The following EXT1 variants were observed in gnomAD, a reference collection of about 807,000 sequenced individuals.
The protein encoded by EXT1 is exostosin-1.
Under a neutral mutation model 82.5 loss-of-function variants are expected in EXT1, and 20 were observed. The ratio of observed to expected loss-of-function variants is 0.24; its 90% confidence interval spans 0.17 to 0.35. The LOEUF (loss-of-function observed/expected upper bound fraction) is 0.35, where lower values mean the gene tolerates loss of function less well. Among genes scored for constraint, EXT1 ranks in the 10% least tolerant of loss-of-function variants. The probability of loss-of-function intolerance (pLI) is 1.00; values close to 1 mark genes in which losing one functional copy is unlikely to be tolerated. For synonymous variants in EXT1, 348 were observed against 350.8 expected (o/e 0.99, Z 0.09); for missense variants, 757 against 936.5 (o/e 0.81, Z 2.50).
intron 2 of EXT1, 33 bp from the exon 3 acceptor site, chr8:117,835,584 G>A (rs954604530): frequency 6.7e-7 from 1 of 1,485,240 alleles, no homozygotes; most frequent in Non-Finnish European, 9.4e-7. Context: ...TGAATGTGAG[G>A]AAAGCGACAG....
intron 1 of EXT1, among the ~76,000 whole-genome samples, chr8:117,906,395 A>C (rs553280679): frequency 6.6e-6 from 1 of 152,296 alleles, no homozygotes; most frequent in East Asian, 1.9e-4. Flanking sequence ...TGACAGACTA[A>C]AGTAATAGAT....
chr8:118,102,857 T>C (rs574861070), intron 1 of EXT1, among the ~76,000 whole-genome samples: 1 of 152,324 alleles, frequency 6.6e-6, no homozygotes, highest in African/African-American at 2.4e-5. Context: ...TCTTTCTTTC[T>C]TTGAAAGACA....
intron 1 of EXT1, among the ~76,000 whole-genome samples, chr8:117,972,548 ACACT>A (rs1463763193): frequency 2.0e-5 from 3 of 152,334 alleles, no homozygotes; most frequent in East Asian, 3.9e-4. Flanking sequence ...AAAAATGCAA[ACACT>A]CACGCACACA....
chr8:117,927,416 G>GAAA (rs557704697), intron 1 of EXT1, among the ~76,000 whole-genome samples: 529 of 18,098 alleles, frequency 0.029, 4 homozygotes, highest in African/African-American at 0.063. Context: ...TCCTCTGGGG[G>GAAA]AAAAAAAAAA....
intron 1 of EXT1, among the ~76,000 whole-genome samples, chr8:118,054,266 G>C (rs1031820398): frequency 2.6e-5 from 4 of 152,170 alleles, no homozygotes; most frequent in African/African-American, 9.7e-5. Flanking sequence ...CTAGTAAGTA[G>C]GATTTCTTGC....
At chr8:117,886,049 TCA>T (rs1478102967) in intron 1 of EXT1, among the ~76,000 whole-genome samples, 2 of 152,154 alleles carry the variant, frequency 1.3e-5, no homozygotes, top group African/African-American at 2.4e-5. Flanking sequence ...TCCCTGAATC[TCA>T]GTTTTAAAAT....
chr8:117,983,697 T>C (rs997604525), intron 1 of EXT1, among the ~76,000 whole-genome samples: 4 of 152,160 alleles, frequency 2.6e-5, no homozygotes, highest in African/African-American at 9.7e-5. Context: ...ATAGAATCTT[T>C]TAGGGGAATC....
intron 1 of EXT1, among the ~76,000 whole-genome samples, chr8:118,066,833 C>A (rs891795752): frequency 1.3e-5 from 2 of 152,102 alleles, no homozygotes; most frequent in African/African-American, 4.8e-5. Context: ...AGGGTCAGCA[C>A]CCCCTAATCT....
chr8:118,039,421 C>CTAA (rs1816485732), intron 1 of EXT1, among the ~76,000 whole-genome samples: 1 of 151,396 alleles, frequency 6.6e-6, no homozygotes, highest in African/African-American at 2.4e-5. Context: ...TTGGCTGGGC[C>CTAA]TAAGGGTGCA....
intron 1 of EXT1, among the ~76,000 whole-genome samples, chr8:118,057,928 C>T (rs952122038): frequency 2.7e-5 from 4 of 148,482 alleles, no homozygotes; most frequent in Admixed American, 2.0e-4. Context: ...GCCAAGATTG[C>T]GCCACTGCAC....
intron 1 of EXT1, among the ~76,000 whole-genome samples, chr8:117,856,509 G>T (rs10095983): frequency 1.4e-5 from 2 of 139,634 alleles, no homozygotes; most frequent in Non-Finnish European, 3.0e-5. Flanking sequence ...CTCATGATCC[G>T]CCCACCTCGG....
chr8:118,110,313 C>T lies in EXT1; in HGVS notation c.734G>A (p.Gly245Glu). Reference protein sequence around the residue: ...PLFSKDHPRTGGERGFLKFNT... With the variant: ...PLFSKDHPRTEGERGFLKFNT... ...GAACTTCAAAAACCCCCTCTCCCCT[C>T]CTGTCCTGGGATGATCCTTAGAAAA... Residue 245 changes from glycine to glutamate, a missense_variant, in exon 1 of 11, where the codon GGA (glycine) becomes GAA (glutamate). Gly to Glu is a moderately conservative substitution (Grantham distance 98, BLOSUM62 -2). This residue lies in a region of EXT1 where 247 missense variants were observed against 330.1 expected (regional missense o/e 0.75). Coordinates refer to ENST00000378204, the MANE Select transcript of EXT1 (RefSeq NM_000127.3). 3 of 1,614,200 alleles carry T rather than the reference C, an allele frequency of 1.9e-6. No homozygotes were observed. The highest frequency in any genetic ancestry group is 2.7e-5 in the African/African-American group (2 of 75,048).
intron 1 of EXT1, among the ~76,000 whole-genome samples, chr8:117,858,785 G>GCCAGGC (rs1322675783): frequency 1.8e-5 from 2 of 114,250 alleles, no homozygotes; most frequent in East Asian, 2.6e-4. Flanking sequence ...AGGCAGGCAG[G>GCCAGGC]CAGGCAAGGC....
chr8:117,918,132 CAA>C (rs1813789342), intron 1 of EXT1, among the ~76,000 whole-genome samples: 1 of 152,152 alleles, frequency 6.6e-6, no homozygotes, highest in Admixed American at 6.5e-5. Context: ...GATGCTGTAA[CAA>C]AAGAGACGTC....
At chr8:117,908,400 C>G (rs1020435284) in intron 1 of EXT1, among the ~76,000 whole-genome samples, 3 of 152,062 alleles carry the variant, frequency 2.0e-5, no homozygotes, top group Admixed American at 6.6e-5. Context: ...GAGGCTGAGG[C>G]AGGAAGATCA....
intron 2 of EXT1, among the ~76,000 whole-genome samples, 168 bp from the exon 3 acceptor site, chr8:117,835,719 C>T (rs1171562654): frequency 1.3e-5 from 2 of 152,158 alleles, no homozygotes; most frequent in South Asian, 2.1e-4. Flanking sequence ...TCAAGTCACA[C>T]GAAGGTTGTA....
At chr8:118,013,236 G>C (rs985828065) in intron 1 of EXT1, among the ~76,000 whole-genome samples, 3 of 151,922 alleles carry the variant, frequency 2.0e-5, no homozygotes, top group Non-Finnish European at 4.4e-5. Flanking sequence ...TTGAGACAGA[G>C]TCTCACTCTG....
At chr8:117,964,919 T>C (rs538823915) in intron 1 of EXT1, among the ~76,000 whole-genome samples, 1 of 152,320 alleles carries the variant, frequency 6.6e-6, no homozygotes, top group Admixed American at 6.5e-5. Flanking sequence ...ATTACAGGCA[T>C]GAGCCACCAC....
chr8:117,822,577 G>C lies in EXT1; in HGVS notation c.1305C>G (p.Phe435Leu). The change falls in exon 5 of 11, where the codon TTC (phenylalanine) becomes TTG (leucine). Residue 435 changes from phenylalanine (F) to leucine (L), a missense_variant. By Grantham distance (22) the Phe-to-Leu change is conservative. Around this residue, in one of 4 missense-constraint regions of EXT1, gnomAD observed 207 missense variants for 224.2 expected, o/e 0.92. Coordinates refer to ENST00000378204, the MANE Select transcript of EXT1 (RefSeq NM_000127.3). ...TTLEIIQDRI[F>L]KHISRNSLIW... ...TTAAACTGTTACGTGATATGTGCTT[G>C]AATATTCTGTCCTGAATAATCTAGA... 6.2e-7 allele frequency: 1 copy of C among 1,613,120 alleles called. No homozygotes were observed. The highest frequency in any genetic ancestry group is 8.5e-7 in the Non-Finnish European group (1 of 1,179,654).
Sources: gnomAD v4.1 joint callset for allele counts (sites outside exome capture counted in the v4.1 genomes callset) on GRCh38, gnomAD v4.1.1 for gene constraint, gnomAD v4.1.1 regional missense constraint, MANE v1.5 for transcripts, NCBI Gene and HGNC (gene_info 2026-07-23, HGNC 2026-07-21) for gene names.